TMEM86A: variants seen among roughly 807,000 people sequenced by gnomAD.
TMEM86A encodes the protein transmembrane protein 86A.
Under a neutral mutation model 19.8 loss-of-function variants are expected in TMEM86A, and 13 were observed. The observed-to-expected ratio is 0.66, with a 90% CI of 0.43 to 1.04. The LOEUF is 1.04. Among genes scored for constraint, TMEM86A ranks in the 50% least tolerant of loss-of-function variants. The probability of loss-of-function intolerance (pLI) is 0.00; values close to 1 mark genes in which losing one functional copy is unlikely to be tolerated. For missense variants in TMEM86A, 248 were observed against 306.8 expected, an observed-to-expected ratio of 0.81 and a Z score of 1.43; for synonymous variants, 128 against 129.9, an observed-to-expected ratio of 0.99 and a Z score of 0.10.
In TMEM86A at chr11:18,704,267, A is replaced by G; in HGVS notation, c.*2258A>G. ...CTGGGATTCCCTATCATGCAATCAC[A>G]TCCATCCCCTTGGTCCCTGCTGTAT... On this transcript the variant is annotated 3_prime_UTR_variant, in exon 3 of 3. Transcript: ENST00000280734. 1.8e-6 allele frequency: 1 copy of G among 567,266 alleles called. No individual in the cohort carries two copies. Among genetic ancestry groups the G allele is most frequent in the East Asian group, 3.0e-5 (1 of 33,898 alleles). The allele number at this position is 567,266 out of a possible 1,614,324, so 35.1% of individuals were successfully genotyped here. A position where few individuals can be genotyped will look rare whatever the true frequency, so the allele number is the denominator to read the frequency against.
chr11:18,700,905 AG>A (rs1305764414), intron 1 of TMEM86A, 27 bp from the exon 2 acceptor site: 1 of 1,609,090 alleles, frequency 6.2e-7, no homozygotes, highest in Admixed American at 1.7e-5. Flanking sequence ...CCAAGTTCTG[AG>A]TGCTGCCCTT....
Position 18,703,757 on chromosome 11 carries a change from T to A in TMEM86A, c.*1748T>A, listed in dbSNP as rs1020813215. On this transcript the variant is annotated 3_prime_UTR_variant, in exon 3 of 3. Coordinates refer to ENST00000280734, the MANE Select transcript of TMEM86A (RefSeq NM_153347.3). ...TAGGAGACTCAAGTCTCAGGGGTGG[T>A]TGGATGAGTCAGTGATTTCCAAATT... 1 of 152,158 alleles carries A rather than the reference T, an allele frequency of 6.6e-6. No individual in the cohort carries two copies. Among genetic ancestry groups the A allele is most frequent in the Non-Finnish European group, 1.5e-5 (1 of 68,046 alleles). 9.4% of individuals were successfully genotyped at this position (152,158 alleles called of 1,614,324 possible). A position where few individuals can be genotyped will look rare whatever the true frequency, so the allele number is the denominator to read the frequency against.
At position 18,700,765 on chromosome 11, in the gene TMEM86A, C is replaced by T. The variant is rs895338428; in HGVS notation, c.22-168C>T. On this transcript the variant is annotated intron_variant, in intron 1 of 2. Coordinates refer to ENST00000280734, the MANE Select transcript of TMEM86A (RefSeq NM_153347.3). ...AATGGGTTTGGCCACAACCTGCTGGCTGGTAGAGGCAGGCCAGGCTGGGTT... is the reference window on the plus strand; with the variant it reads ...AATGGGTTTGGCCACAACCTGCTGGTTGGTAGAGGCAGGCCAGGCTGGGTT... 5.6e-5 allele frequency: 51 copies of T among 907,686 alleles called. 1 individual carries two copies. The South Asian group carries it at 8.1e-4, about 14-fold the overall frequency. The allele number at this position is 907,686 out of a possible 1,614,324, so 56.2% of individuals were successfully genotyped here.
rs1245604894 is a variant in TMEM86A at position 18,704,489 on chromosome 11, C to A, written c.*2480C>A. 7 of 1,550,926 alleles carry A rather than the reference C, an allele frequency of 4.5e-6. No individual in the cohort carries two copies. The highest frequency in any genetic ancestry group is 2.4e-5 in the East Asian group (1 of 40,900). ...GAGCTCACATGAGGTGCTTTGATTT[C>A]TTCTGCAGACTCTCGGTGATGGATG... On this transcript the variant is annotated 3_prime_UTR_variant, in exon 3 of 3. Coordinates refer to ENST00000280734, the MANE Select transcript of TMEM86A (RefSeq NM_153347.3).
rs1590429319 is a variant in TMEM86A at position 18,702,318 on chromosome 11, A to C, written c.*309A>C. On this transcript the variant is annotated 3_prime_UTR_variant, in exon 3 of 3. Coordinates refer to ENST00000280734, the MANE Select transcript of TMEM86A (RefSeq NM_153347.3). ...AGGTGATGGTGCTCAGCTTCTTGAC[A>C]CCCCCCCACCCACTTCCCCTACCAG... The C allele has an allele frequency of 3.2e-5, 12 of 380,762 alleles. No individual in the cohort carries two copies. The highest frequency in any genetic ancestry group is 6.3e-5 in the South Asian group (2 of 31,680). The allele number at this position is 380,762 out of a possible 1,614,324, so 23.6% of individuals were successfully genotyped here.
chr11:18,701,980 G>T lies in TMEM86A; in HGVS notation c.694G>T (p.Glu232Ter). The T allele has an allele frequency of 6.2e-7, 1 of 1,608,764 alleles. No individual in the cohort carries two copies. The highest frequency in any genetic ancestry group is 8.5e-7 in the Non-Finnish European group (1 of 1,180,000). ...LSAVESREPVEHYRLTKAN is the reference protein window; with the variant it reads ...LSAVESREPV ...AGCTGTCGAAAGCCGGGAGCCTGTG[G>T]AACACTACAGACTGACCAAGGCCAA... Residue 232 changes from glutamate to a stop codon, truncating the protein, a stop_gained, in exon 3 of 3, where the codon GAA becomes TAA. Transcript: ENST00000280734. LOFTEE classifies it high-confidence loss of function. This position sits in a 1 kb window ranked among gnomAD's most constrained non-coding sequence, Gnocchi z 5.3.
At position 18,701,836 on chromosome 11, in the gene TMEM86A, C is replaced by G; in HGVS notation, c.550C>G (p.Leu184Val). The change falls in exon 3 of 3, where the codon CTC becomes GTC. Residue 184 changes from leucine (L) to valine (V), a missense_variant. Leu to Val is a conservative substitution (Grantham distance 32). Coordinates refer to ENST00000280734, the MANE Select transcript of TMEM86A (RefSeq NM_153347.3). The surrounding 1 kb of genome is among the most constrained non-coding windows in gnomAD (Gnocchi z 5.3). The part of the protein sequence containing the change: ...WTELAAGSGA[L>V]FFIISDLTIA... ...AGAGCTGGCAGCTGGCAGTGGTGCA[C>G]TCTTCTTTATCATCTCAGACCTGAC... The G allele has an allele frequency of 6.2e-7, 1 of 1,614,158 alleles. No homozygotes were observed. The highest frequency in any genetic ancestry group is 8.5e-7 in the Non-Finnish European group (1 of 1,180,024).
chr11:18,698,930 C>A (rs1478588763), intron 1 of TMEM86A, 23 bp downstream of exon 1: 1 of 619,422 alleles, frequency 1.6e-6, no homozygotes, highest in Non-Finnish European at 2.9e-6. Context: ...GCGAGCGAGC[C>A]AGTGCCCGGC....
In TMEM86A at chr11:18,701,447, C is replaced by T. The variant is rs2134150149; in HGVS notation, c.287-126C>T. On this transcript the variant is annotated intron_variant, in intron 2 of 2. Coordinates refer to ENST00000280734, the MANE Select transcript of TMEM86A (RefSeq NM_153347.3). The surrounding 1 kb of genome is among the most constrained non-coding windows in gnomAD (Gnocchi z 5.3). ...CTTTAGATCTTCCTACCCCTGTTAT[C>T]CCAAAGCAAAGCTGCTGGGTTATCC... 3 of 1,169,952 alleles carry T rather than the reference C, an allele frequency of 2.6e-6. No homozygotes were observed. The highest frequency in any genetic ancestry group is 3.6e-6 in the Non-Finnish European group (3 of 832,230). The allele number at this position is 1,169,952 out of a possible 1,614,324, so 72.5% of individuals were successfully genotyped here. A position where few individuals can be genotyped will look rare whatever the true frequency, so the allele number is the denominator to read the frequency against.
Position 18,702,154 on chromosome 11 carries a change from C to G in TMEM86A, c.*145C>G. On this transcript the variant is annotated 3_prime_UTR_variant, in exon 3 of 3. Transcript: ENST00000280734. Reference sequence around the variant, plus strand: ...GAATTTGCAAGTTCGTGTGGGGAGGCTGGAAAAGGATCTCCCTAGCAGAAC... The same window carrying G: ...GAATTTGCAAGTTCGTGTGGGGAGGGTGGAAAAGGATCTCCCTAGCAGAAC... The G allele has an allele frequency of 1.3e-6, 1 of 784,876 alleles. No homozygotes were observed. The highest frequency in any genetic ancestry group is 2.0e-6 in the Non-Finnish European group (1 of 497,700). 48.6% of individuals were successfully genotyped at this position (784,876 alleles called of 1,614,324 possible).
In TMEM86A at chr11:18,702,081, G is replaced by A; in HGVS notation, c.*72G>A. The stretch of plus-strand genomic sequence containing the variant: ...AGATCCTGGGGACCTGCAGGAGCTG[G>A]ATCAGGATGGCTGCAGTGCCAGCCT... On this transcript the variant is annotated 3_prime_UTR_variant, in exon 3 of 3. Transcript: ENST00000280734. 6.6e-7 allele frequency: 1 copy of A among 1,518,156 alleles called. No individual in the cohort carries two copies. Among genetic ancestry groups the A allele is most frequent in the Non-Finnish European group, 8.9e-7 (1 of 1,118,026 alleles). 94.0% of individuals were successfully genotyped at this position (1,518,156 alleles called of 1,614,324 possible). A position where few individuals can be genotyped will look rare whatever the true frequency, so the allele number is the denominator to read the frequency against.
Position 18,701,445 on chromosome 11 carries a change from A to T in TMEM86A, c.287-128A>T. 8.8e-7 allele frequency: 1 copy of T among 1,140,174 alleles called. No homozygotes were observed. The highest frequency in any genetic ancestry group is 1.2e-6 in the Non-Finnish European group (1 of 805,784). 70.6% of individuals were successfully genotyped at this position (1,140,174 alleles called of 1,614,324 possible). A position where few individuals can be genotyped will look rare whatever the true frequency, so the allele number is the denominator to read the frequency against. ...AACTTTAGATCTTCCTACCCCTGTT[A>T]TCCCAAAGCAAAGCTGCTGGGTTAT... On this transcript the variant is annotated intron_variant, in intron 2 of 2. Transcript: ENST00000280734. This position sits in a 1 kb window ranked among gnomAD's most constrained non-coding sequence, Gnocchi z 5.3.
At position 18,700,475 on chromosome 11, in the gene TMEM86A, C is replaced by A. The variant is rs968441412; in HGVS notation, c.22-458C>A. 2.3e-5 allele frequency: 4 copies of A among 170,504 alleles called. No homozygotes were observed. In the East Asian group the frequency reaches 6.4e-4, roughly 27 times the overall value. The allele number at this position is 170,504 out of a possible 1,614,324, so 10.6% of individuals were successfully genotyped here. A position where few individuals can be genotyped will look rare whatever the true frequency, so the allele number is the denominator to read the frequency against. ...GAGGTGATTGCCATTGCCTGCTTTCCCACATTCCTGGCACACACCTGGTGT... is the reference window on the plus strand; with the variant it reads ...GAGGTGATTGCCATTGCCTGCTTTCACACATTCCTGGCACACACCTGGTGT... On this transcript the variant is annotated intron_variant, in intron 1 of 2. Transcript: ENST00000280734.
Position 18,698,866 on chromosome 11 carries a change from C to G in TMEM86A, c.-21C>G, listed in dbSNP as rs1848125070. On this transcript the variant is annotated 5_prime_UTR_variant, in exon 1 of 3. Transcript: ENST00000280734. Reference sequence around the variant, plus strand: ...GGCCGCTGCAGCCCGGAGCAGGGTGCCAGCCGCCGCCGCCGCCGCCATGGT... The same window carrying G: ...GGCCGCTGCAGCCCGGAGCAGGGTGGCAGCCGCCGCCGCCGCCGCCATGGT... The G allele has an allele frequency of 4.4e-6, 3 of 675,012 alleles. No individual in the cohort carries two copies. The highest frequency in any genetic ancestry group is 2.2e-5 in the Admixed American group (1 of 44,748). 41.8% of individuals were successfully genotyped at this position (675,012 alleles called of 1,614,324 possible).
rs1212809994 is a variant in TMEM86A at position 18,704,783 on chromosome 11, A to G, written c.*2774A>G. 1.3e-5 allele frequency: 6 copies of G among 448,282 alleles called. No individual in the cohort carries two copies. The highest frequency in any genetic ancestry group is 4.0e-5 in the African/African-American group (2 of 50,386). 27.8% of individuals were successfully genotyped at this position (448,282 alleles called of 1,614,324 possible). On this transcript the variant is annotated 3_prime_UTR_variant, in exon 3 of 3. Coordinates refer to ENST00000280734, the MANE Select transcript of TMEM86A (RefSeq NM_153347.3). ...AGTCCTATAAAGAAGATGAGAAAACAGGCTCAATGAGGTAGCTTACTAAGG... is the reference window on the plus strand; with the variant it reads ...AGTCCTATAAAGAAGATGAGAAAACGGGCTCAATGAGGTAGCTTACTAAGG...
chr11:18,701,208 A>G lies in TMEM86A; in HGVS notation c.286+11A>G. The G allele has an allele frequency of 6.2e-7, 1 of 1,611,254 alleles. No homozygotes were observed. Among genetic ancestry groups the G allele is most frequent in the Non-Finnish European group, 8.5e-7 (1 of 1,178,330 alleles). On this transcript the variant is annotated intron_variant, in intron 2 of 2. Transcript: ENST00000280734. This position sits in a 1 kb window ranked among gnomAD's most constrained non-coding sequence, Gnocchi z 5.3. ...GATACTTCGTGCATGGTCAGTGGCC[A>G]TAGTAGTTGCCTGGGAGGAGTCCTG...
Position 18,701,539 on chromosome 11 carries a change from T to G in TMEM86A, c.287-34T>G. Reference sequence around the variant, plus strand: ...CCTGTTACTCATTCTTCATCAAGCTTGCCCTCAGCTGCCTTTGCCCCTCTT... The same window carrying G: ...CCTGTTACTCATTCTTCATCAAGCTGGCCCTCAGCTGCCTTTGCCCCTCTT... On this transcript the variant is annotated intron_variant, in intron 2 of 2. Coordinates refer to ENST00000280734, the MANE Select transcript of TMEM86A (RefSeq NM_153347.3). This position sits in a 1 kb window ranked among gnomAD's most constrained non-coding sequence, Gnocchi z 5.3. 15 of 1,527,632 alleles carry G rather than the reference T, an allele frequency of 9.8e-6. No individual in the cohort carries two copies. The highest frequency in any genetic ancestry group is 1.3e-5 in the Non-Finnish European group (15 of 1,137,740). 94.6% of individuals were successfully genotyped at this position (1,527,632 alleles called of 1,614,324 possible).
intron 1 of TMEM86A, chr11:18,700,540 G>C (rs1590428091): frequency 4.0e-6 from 1 of 247,446 alleles, no homozygotes; most frequent in Admixed American, 4.9e-5. Context: ...CCATGCTGAG[G>C]ATCACGAGTT....
chr11:18,701,184 A>T lies in TMEM86A; in HGVS notation c.273A>T (p.Gly91=), dbSNP rs538833555. 5.5e-5 allele frequency: 89 copies of T among 1,613,688 alleles called. No homozygotes were observed. In the Middle Eastern group the frequency reaches 9.9e-4, roughly 18 times the overall value. Residue 91 remains glycine, a synonymous_variant, in exon 2 of 3, where the codon GGA becomes GGT. Coordinates refer to ENST00000280734, the MANE Select transcript of TMEM86A (RefSeq NM_153347.3). This position sits in a 1 kb window ranked among gnomAD's most constrained non-coding sequence, Gnocchi z 5.3. Reference sequence around the variant, plus strand: ...CCTTCCTCATCTGGCAGGACCAAGGATACTTCGTGCATGGTCAGTGGCCAT... The same window carrying T: ...CCTTCCTCATCTGGCAGGACCAAGGTTACTTCGTGCATGGTCAGTGGCCAT... ...GDAFLIWQDQ[G]YFVHGLLMFA... is the part of the protein sequence containing the mutation.
Sources: allele counts gnomAD v4.1 joint callset, GRCh38; gene constraint gnomAD v4.1.1; non-coding constraint Gnocchi (gnomAD v3.1); transcripts MANE v1.5; gene names NCBI Gene and HGNC (gene_info 2026-07-23, HGNC 2026-07-21).